Variants in CDH4 observed in about 807,000 individuals in gnomAD.
CDH4 encodes the protein cadherin 4.
CDH4 carries 33 observed loss-of-function variants against 86.0 expected under a neutral mutation model. That is an observed-to-expected ratio of 0.38 (90% CI 0.29 to 0.51). The LOEUF (loss-of-function observed/expected upper bound fraction) is 0.51. Among genes scored for constraint, CDH4 ranks in the 20% least tolerant of loss-of-function variants. The pLI is 0.86. For synonymous variants in CDH4, 555 were observed against 549.4 expected (o/e 1.01, Z -0.14); for missense variants, 1,114 against 1,307.4 (o/e 0.85, Z 2.28).
At chr20:61,652,938 A>ATTTTTTTATTTTTT in intron 2 of CDH4, among the ~76,000 whole-genome samples, 1 of 97,440 alleles carries the variant, frequency 1.0e-5, no homozygotes, top group African/African-American at 3.4e-5. Flanking sequence ...TTATTTATTT[A>ATTTTTTTATTTTTT]TTTTTTTTTT....
At chr20:61,818,401 G>A (rs1024658244) in intron 4 of CDH4, among the ~76,000 whole-genome samples, 1 of 152,176 alleles carries the variant, frequency 6.6e-6, no homozygotes, top group African/African-American at 2.4e-5. Flanking sequence ...ACTTGGCTGG[G>A]TGTGGTGGCC....
At chr20:61,296,957 C>A (rs1468559383) in intron 2 of CDH4, among the ~76,000 whole-genome samples, 1 of 152,160 alleles carries the variant, frequency 6.6e-6, no homozygotes, top group Non-Finnish European at 1.5e-5. Context: ...GAGCTGCTGG[C>A]TCTGAGCGAC....
chr20:61,490,020 T>C (rs1308803654), intron 2 of CDH4, among the ~76,000 whole-genome samples: 1 of 152,192 alleles, frequency 6.6e-6, no homozygotes, highest in Non-Finnish European at 1.5e-5. Context: ...GGGACTGCTG[T>C]TTTAGCTCAC....
intron 2 of CDH4, among the ~76,000 whole-genome samples, chr20:61,336,026 G>T (rs2084615124): frequency 6.6e-6 from 1 of 152,162 alleles, no homozygotes; most frequent in African/African-American, 2.4e-5. Context: ...GAATCTCAAG[G>T]TTTTTTGTCA....
chr20:61,830,948 G>A (rs186832139), intron 4 of CDH4, among the ~76,000 whole-genome samples: 70 of 152,302 alleles, frequency 4.6e-4, no homozygotes, highest in Non-Finnish European at 8.8e-4. Flanking sequence ...AATGTCAGTC[G>A]GGAGGGCTCC....
intron 7 of CDH4, among the ~76,000 whole-genome samples, chr20:61,881,552 G>C (rs562935653): frequency 6.6e-6 from 1 of 152,226 alleles, no homozygotes; most frequent in Non-Finnish European, 1.5e-5. Flanking sequence ...TCAATTAGTC[G>C]ACCGCTGTTC....
rs577552034 is a variant in CDH4, at chr20:61,582,612, G to A, written c.170-160951G>A. ...GAGAGCTGCACCTAGAGCTTCTTCC[G>A]TCCCCTGCAGGGCCTGGTGCGGTGG... is the stretch of plus-strand genomic sequence containing the variant. On this transcript the variant is annotated intron_variant, in intron 2 of 15. Coordinates refer to ENST00000614565, the MANE Select transcript of CDH4 (RefSeq NM_001794.5). This position sits in a 1 kb window ranked among gnomAD's most constrained non-coding sequence, Gnocchi z 4.2. Among the ~76,000 whole-genome samples, 4 of 152,122 alleles carry A rather than the reference G, an allele frequency of 2.6e-5. No individual in the cohort carries two copies. The highest frequency in any genetic ancestry group is 1.9e-4 in the East Asian group (1 of 5,164).
intron 2 of CDH4, among the ~76,000 whole-genome samples, chr20:61,391,543 AGAG>A (rs139110962): frequency 0.36 from 54,322 of 151,802 alleles, 10,979 homozygotes; most frequent in East Asian, 0.79. Context: ...TTGTCTAAAC[AGAG>A]GAGGCTCCTT....
At chr20:61,644,678 G>A (rs1014279191) in intron 2 of CDH4, among the ~76,000 whole-genome samples, 5 of 152,194 alleles carry the variant, frequency 3.3e-5, no homozygotes, top group Admixed American at 2.0e-4. Flanking sequence ...GGGCCAGAGG[G>A]GCTTCTTCAA....
At chr20:61,776,817 T>C (rs2088848106) in intron 4 of CDH4, among the ~76,000 whole-genome samples, 1 of 152,186 alleles carries the variant, frequency 6.6e-6, no homozygotes, top group East Asian at 1.9e-4. Context: ...CAATCGTGCC[T>C]ACATGCCACT....
Position 61,676,119 on chromosome 20 carries a change from G to A in CDH4, c.170-67444G>A, listed in dbSNP as rs920976868. Among the ~76,000 whole-genome samples the A allele has an allele frequency of 6.6e-6, 1 of 152,206 alleles. No homozygotes were observed. Among genetic ancestry groups the A allele is most frequent in the Non-Finnish European group, 1.5e-5 (1 of 68,034 alleles). On this transcript the variant is annotated intron_variant, in intron 2 of 15. Transcript: ENST00000614565. This position sits in a 1 kb window ranked among gnomAD's most constrained non-coding sequence, Gnocchi z 4.5. ...ACCGAGTGTGGGGTCCAAGGTCTGA[G>A]ACTTAATTCCAGGTTCTCTGAATGG...
Position 61,527,624 on chromosome 20 carries a change from A to G in CDH4, c.170-215939A>G, listed in dbSNP as rs76346966. On this transcript the variant is annotated intron_variant, in intron 2 of 15. Transcript: ENST00000614565. ...GCAGTGAGGGAGGAGAACCTCTATC[A>G]TCTGAAAGTCTGTTCTGTTCAATGC... Among the ~76,000 whole-genome samples the G allele has an allele frequency of 0.028, 4,340 of 152,314 alleles. 342 individuals are homozygous for G. In the East Asian group the frequency reaches 0.32, roughly 11 times the overall value.
intron 2 of CDH4, among the ~76,000 whole-genome samples, chr20:61,704,382 C>A (rs916606363): frequency 1.3e-5 from 2 of 152,168 alleles, no homozygotes. Context: ...GAAGGAGGCC[C>A]CAGGTCAGGC....
At chr20:61,482,895 C>A (rs1387367868) in intron 2 of CDH4, among the ~76,000 whole-genome samples, 1 of 152,206 alleles carries the variant, frequency 6.6e-6, no homozygotes, top group Admixed American at 6.5e-5. Context: ...GTACCTCATG[C>A]CATCAGCATC....
At position 61,357,067 on chromosome 20, in the gene CDH4, G is replaced by A. The variant is rs186027515; in HGVS notation, c.169+102130G>A. On this transcript the variant is annotated intron_variant, in intron 2 of 15. Transcript: ENST00000614565. ...CCTTCTCCCCCTCACTGAGATGCGG[G>A]GTGCCAGGTTAACATGTGCCCCCAA... Among the ~76,000 whole-genome samples, 95 of 152,202 alleles carry A rather than the reference G, an allele frequency of 6.2e-4. 2 individuals are homozygous for A. In the East Asian group the frequency reaches 0.011, roughly 17 times the overall value.
At chr20:61,444,323 G>A (rs2085332040) in intron 2 of CDH4, among the ~76,000 whole-genome samples, 1 of 944 alleles carries the variant, frequency 1.1e-3, no homozygotes, top group Non-Finnish European at 2.7e-3. Flanking sequence ...TTGTGTATCT[G>A]CACGTGTGTT....
At chr20:61,723,630 T>C (rs1327528446) in intron 2 of CDH4, among the ~76,000 whole-genome samples, 2 of 152,218 alleles carry the variant, frequency 1.3e-5, no homozygotes, top group Non-Finnish European at 2.9e-5. Flanking sequence ...TGAACGCACC[T>C]GGGACAAGAG....
At position 61,593,802 on chromosome 20, in the gene CDH4, C is replaced by T. The variant is rs375600200; in HGVS notation, c.170-149761C>T. 1.1e-4 allele frequency among the ~76,000 whole-genome samples: 17 copies of T among 151,474 alleles called. No individual in the cohort carries two copies. The East Asian group carries it at 2.0e-3, about 18-fold the overall frequency. On this transcript the variant is annotated intron_variant, in intron 2 of 15. Coordinates refer to ENST00000614565, the MANE Select transcript of CDH4 (RefSeq NM_001794.5). ...CATAGTAGAACCCCCTGGGGATGCCCGGGAGTCTGGGCCGTGCCTGGCATG... is the reference window on the plus strand; with the variant it reads ...CATAGTAGAACCCCCTGGGGATGCCTGGGAGTCTGGGCCGTGCCTGGCATG...
chr20:61,876,857 G>C (rs1984047983), intron 7 of CDH4, among the ~76,000 whole-genome samples: 1 of 152,136 alleles, frequency 6.6e-6, no homozygotes, highest in Admixed American at 6.5e-5. Context: ...GGAGGTCTGG[G>C]GTACTTTGTA....
Sources: allele counts gnomAD v4.1 joint callset (sites outside exome capture counted in the v4.1 genomes callset), GRCh38; gene constraint gnomAD v4.1.1; non-coding constraint Gnocchi (gnomAD v3.1); transcripts MANE v1.5; gene names NCBI Gene and HGNC (gene_info 2026-07-23, HGNC 2026-07-21).